CPQ: variants seen among roughly 807,000 people sequenced by gnomAD.
CPQ encodes Ser-Met dipeptidase.
Under a neutral mutation model 45.7 loss-of-function variants are expected in CPQ, and 37 were observed. The ratio of observed to expected loss-of-function variants is 0.81; its 90% confidence interval spans 0.62 to 1.07. CPQ has a LOEUF of 1.07. Ranked by LOEUF, CPQ falls within the 50% of genes least tolerant of loss-of-function variation. CPQ has a pLI of 0.00. For missense variants in CPQ, 537 were observed against 572.9 expected (o/e 0.94, Z 0.64); for synonymous variants, 186 against 205.8 (o/e 0.90, Z 0.82).
chr8:96,723,028 A>G (rs1809785831), intron 1 of CPQ, among the ~76,000 whole-genome samples: 1 of 152,220 alleles, frequency 6.6e-6, no homozygotes, highest in South Asian at 2.1e-4. Context: ...TTGCCTTAAA[A>G]TGATTAAATG....
intron 1 of CPQ, among the ~76,000 whole-genome samples, chr8:96,699,598 C>CAT (rs1020787892): frequency 6.9e-4 from 105 of 151,120 alleles, no homozygotes; most frequent in South Asian, 2.1e-3. Flanking sequence ...TTATGTAACG[C>CAT]ATATATATAT....
chr8:96,868,966 A>G (rs1179345360), intron 3 of CPQ, among the ~76,000 whole-genome samples: 2 of 152,090 alleles, frequency 1.3e-5, no homozygotes, highest in Non-Finnish European at 2.9e-5. Flanking sequence ...TTTAAAACAA[A>G]TATACTAGAA....
chr8:96,656,182 G>T (rs150473156), intron 1 of CPQ, among the ~76,000 whole-genome samples: 168 of 152,282 alleles, frequency 1.1e-3, no homozygotes, highest in African/African-American at 3.8e-3. Flanking sequence ...GGTCTTTACA[G>T]GTATTCTTTG....
chr8:97,062,542 G>A (rs1003020213), intron 6 of CPQ, among the ~76,000 whole-genome samples: 2 of 152,106 alleles, frequency 1.3e-5, no homozygotes, highest in African/African-American at 4.8e-5. Flanking sequence ...TGCCTCCTGA[G>A]AGTTTGTTGT....
At position 96,939,554 on chromosome 8, in the gene CPQ, A is replaced by T. The variant is rs1245256032; in HGVS notation, c.850-26381A>T. 2.6e-5 allele frequency among the ~76,000 whole-genome samples: 4 copies of T among 152,332 alleles called. No individual in the cohort carries two copies. The East Asian group carries it at 7.7e-4, about 29-fold the overall frequency. On this transcript the variant is annotated intron_variant, in intron 4 of 7. Transcript: ENST00000220763. ...ACAATATATTATATAGTTACTTTTT[A>T]AAAAGCTTTATAAAATTGCCGTTTT...
intron 1 of CPQ, among the ~76,000 whole-genome samples, chr8:96,756,848 T>G (rs1235055029): frequency 1.3e-5 from 2 of 152,234 alleles, no homozygotes; most frequent in Non-Finnish European, 2.9e-5. Context: ...ATTCCACTTC[T>G]AGATTAGTTT....
intron 4 of CPQ, among the ~76,000 whole-genome samples, chr8:96,946,959 C>T (rs2853267): frequency 0.5 from 75,841 of 151,918 alleles, 21,017 homozygotes; most frequent in African/African-American, 0.76. Flanking sequence ...TGTGTCAGTC[C>T]CTGGAATTAT....
rs371424738 is a variant in CPQ at position 97,054,071 on chromosome 8, T to C, written c.1054-11938T>C. Among the ~76,000 whole-genome samples, 13 of 152,232 alleles carry C rather than the reference T, an allele frequency of 8.5e-5. No individual in the cohort carries two copies. The East Asian group carries it at 2.1e-3, about 25-fold the overall frequency. On this transcript the variant is annotated intron_variant, in intron 6 of 7. Transcript: ENST00000220763. ...TTAAGTTTGAGATATCAGACTTTCA[T>C]GTGGAGAGGTCAAGTAGGCAGTTTG... is the stretch of plus-strand genomic sequence containing the variant.
chr8:97,072,976 T>C (rs1287064059), intron 7 of CPQ, among the ~76,000 whole-genome samples: 5 of 152,052 alleles, frequency 3.3e-5, no homozygotes, highest in Non-Finnish European at 7.4e-5. Flanking sequence ...GTAGGAAGAG[T>C]AAGATAATGC....
intron 2 of CPQ, among the ~76,000 whole-genome samples, chr8:96,825,748 T>G (rs1003136594): frequency 5.9e-5 from 9 of 152,050 alleles, no homozygotes; most frequent in Non-Finnish European, 1.3e-4. Context: ...AAATTCTGTT[T>G]TGTTACAGTA....
At chr8:97,061,793 A>G (rs1586521154) in intron 6 of CPQ, among the ~76,000 whole-genome samples, 1 of 152,254 alleles carries the variant, frequency 6.6e-6, no homozygotes, top group Non-Finnish European at 1.5e-5. Flanking sequence ...CAAGAACAGT[A>G]ACAACAGTAA....
chr8:96,766,945 C>T (rs1810475503), intron 1 of CPQ, among the ~76,000 whole-genome samples: 1 of 152,188 alleles, frequency 6.6e-6, no homozygotes, highest in Admixed American at 6.5e-5. Context: ...GAAGACTGTG[C>T]TCTTTCCAAA....
chr8:96,684,192 GAGAA>G (rs1388721861), intron 1 of CPQ, among the ~76,000 whole-genome samples: 1 of 152,182 alleles, frequency 6.6e-6, no homozygotes, highest in Non-Finnish European at 1.5e-5. Context: ...GGCTTTCATG[GAGAA>G]AGACTTTTTC....
intron 5 of CPQ, among the ~76,000 whole-genome samples, chr8:97,009,565 C>T (rs1336277315): frequency 1.3e-5 from 2 of 152,074 alleles, no homozygotes; most frequent in Non-Finnish European, 2.9e-5. Context: ...AGGAATTATC[C>T]ATTTATGCAA....
intron 1 of CPQ, among the ~76,000 whole-genome samples, chr8:96,733,533 G>C (rs1254992650): frequency 6.6e-6 from 1 of 152,000 alleles, no homozygotes; most frequent in Non-Finnish European, 1.5e-5. Context: ...TGAATACATG[G>C]TTCAGGTATT....
At chr8:96,945,189 C>G (rs1455981508) in intron 4 of CPQ, among the ~76,000 whole-genome samples, 2 of 152,130 alleles carry the variant, frequency 1.3e-5, no homozygotes, top group African/African-American at 4.8e-5. Context: ...GCCCTGCTCT[C>G]CTGGAGATCA....
rs1810224255 is a variant in CPQ at position 96,748,887 on chromosome 8, T to C, written c.-34-35977T>C. Among the ~76,000 whole-genome samples, 5 of 152,200 alleles carry C rather than the reference T, an allele frequency of 3.3e-5. No homozygotes were observed. In the South Asian group the frequency reaches 1.0e-3, roughly 31 times the overall value. On this transcript the variant is annotated intron_variant, in intron 1 of 7. Transcript: ENST00000220763. ...CCTGTGGTTCTCTTTCTGGAATGCC[T>C]TTCTGAAGCTTCTCCTCTTAAAGAA...
intron 4 of CPQ, among the ~76,000 whole-genome samples, chr8:96,889,917 C>T (rs1812351570): frequency 6.6e-6 from 1 of 152,156 alleles, no homozygotes. Context: ...TGTTAATCTC[C>T]TTTGGCAACA....
chr8:96,743,506 C>G (rs1358625573), intron 1 of CPQ, among the ~76,000 whole-genome samples: 1 of 152,112 alleles, frequency 6.6e-6, no homozygotes, highest in African/African-American at 2.4e-5. Context: ...CAGCTTTGTT[C>G]CGTTGCTGGT....
Sources: gnomAD v4.1 joint callset for allele counts (sites outside exome capture counted in the v4.1 genomes callset) on GRCh38, gnomAD v4.1.1 for gene constraint, MANE v1.5 for transcripts, NCBI Gene and HGNC (gene_info 2026-07-23, HGNC 2026-07-21) for gene names.